Variants in NARS2 observed in about 807,000 individuals in gnomAD.
NARS2 encodes the protein asparaginyl-tRNA synthetase.
In NARS2, 60 loss-of-function variants were observed where a neutral mutation model predicts 62.9. The ratio of observed to expected loss-of-function variants is 0.95; its 90% CI spans 0.77 to 1.18. The LOEUF (loss-of-function observed/expected upper bound fraction) is 1.18, where lower values mean the gene tolerates loss of function less well. NARS2 is among the 50% of genes most tolerant of loss of function. NARS2 has a pLI of 0.00. For missense variants in NARS2, 619 were observed against 576.4 expected, an observed-to-expected ratio of 1.07 and a Z score of -0.76; for synonymous variants, 196 against 200.0, an observed-to-expected ratio of 0.98 and a Z score of 0.17.
intron 2 of NARS2, among the ~76,000 whole-genome samples, chr11:78,571,063 G>A (rs1856904933): frequency 6.6e-6 from 1 of 152,162 alleles, no homozygotes; most frequent in Non-Finnish European, 1.5e-5. Flanking sequence ...GGAAAGAGCA[G>A]AACAGCTTAA....
intron 6 of NARS2, among the ~76,000 whole-genome samples, chr11:78,504,678 A>C (rs970762220): frequency 5.9e-5 from 9 of 152,250 alleles, no homozygotes; most frequent in African/African-American, 2.2e-4. Flanking sequence ...ACACATACAC[A>C]TATTATTTTT....
chr11:78,449,133 GTTTTTTTTTT>G (rs201937471), intron 11 of NARS2, among the ~76,000 whole-genome samples: 1 of 100,042 alleles, frequency 1.0e-5, no homozygotes, highest in Non-Finnish European at 1.9e-5. Context: ...CCTAAAAAAT[GTTTTTTTTTT>G]TTTTTTTTTT....
intron 6 of NARS2, among the ~76,000 whole-genome samples, chr11:78,526,747 T>C (rs778536789): frequency 2.0e-5 from 3 of 152,144 alleles, no homozygotes; most frequent in Admixed American, 6.5e-5. Context: ...AGTGGTATTA[T>C]AATAGAGAAA....
chr11:78,498,923 G>T, intron 6 of NARS2, among the ~76,000 whole-genome samples: 1 of 60,660 alleles, frequency 1.6e-5, no homozygotes, highest in African/African-American at 6.1e-5. Context: ...TTTTGAGATG[G>T]AGTCTCGCTC....
chr11:78,547,552 T>A (rs1396785903), intron 5 of NARS2, among the ~76,000 whole-genome samples: 1 of 152,174 alleles, frequency 6.6e-6, no homozygotes, highest in East Asian at 1.9e-4. Context: ...ACAAAGCAGG[T>A]ATAAGCCAGG....
chr11:78,440,048 C>G (rs1330579641), intron 13 of NARS2, among the ~76,000 whole-genome samples: 1 of 152,100 alleles, frequency 6.6e-6, no homozygotes, highest in African/African-American at 2.4e-5. Flanking sequence ...TGCTTAAGAG[C>G]AAAGGATTTT....
chr11:78,443,903 G>A (rs1017109199), intron 11 of NARS2, 145 bp from the exon 12 acceptor site: 2 of 591,910 alleles, frequency 3.4e-6, no homozygotes, highest in South Asian at 2.0e-5. Context: ...ATTATAAGTG[G>A]ACAATTTCCT....
chr11:78,567,598 A>G lies in NARS2; in HGVS notation c.372+1034T>C, dbSNP rs1856788541. On this transcript the variant is annotated intron_variant, in intron 3 of 13. Coordinates refer to ENST00000281038, the MANE Select transcript of NARS2 (RefSeq NM_024678.6). Reference sequence around the variant, plus strand: ...GGTTACCGTCTATATTACGCTCTTGATTTCCAAATTATTCTACACTCTATT... The same window carrying G: ...GGTTACCGTCTATATTACGCTCTTGGTTTCCAAATTATTCTACACTCTATT... Among the ~76,000 whole-genome samples the G allele has an allele frequency of 2.0e-5, 3 of 152,174 alleles. No homozygotes were observed. In the South Asian group the frequency reaches 6.2e-4, roughly 31 times the overall value.
At chr11:78,518,630 G>A (rs1861000028) in intron 6 of NARS2, among the ~76,000 whole-genome samples, 1 of 151,816 alleles carries the variant, frequency 6.6e-6, no homozygotes, top group Non-Finnish European at 1.5e-5. Flanking sequence ...CCATTCTCCT[G>A]CCTCAGCCTC....
chr11:78,516,941 A>T (rs1407379317), intron 6 of NARS2, among the ~76,000 whole-genome samples: 1 of 152,226 alleles, frequency 6.6e-6, no homozygotes. Context: ...GGCACACAGA[A>T]GGACATTTAA....
chr11:78,480,691 A>G (rs1388195299), intron 7 of NARS2, among the ~76,000 whole-genome samples: 2 of 124,982 alleles, frequency 1.6e-5, no homozygotes, highest in Non-Finnish European at 3.1e-5. Flanking sequence ...ATGACAACTA[A>G]TTTGGGGGGG....
At chr11:78,443,055 G>A (rs767744201) in intron 12 of NARS2, among the ~76,000 whole-genome samples, 21 of 152,018 alleles carry the variant, frequency 1.4e-4, no homozygotes, top group Non-Finnish European at 2.8e-4. Flanking sequence ...GCCAGGTGCG[G>A]TGGCTCATGC....
intron 5 of NARS2, among the ~76,000 whole-genome samples, chr11:78,537,735 C>T (rs762186469): frequency 6.6e-6 from 1 of 152,148 alleles, no homozygotes; most frequent in Non-Finnish European, 1.5e-5. Context: ...AAGTTCAAGG[C>T]GGCAGCAAGC....
chr11:78,541,363 C>T (rs919523451), intron 5 of NARS2, among the ~76,000 whole-genome samples: 1 of 148,920 alleles, frequency 6.7e-6, no homozygotes, highest in Non-Finnish European at 1.5e-5. Flanking sequence ...TAAGGTCTTG[C>T]TATGTCGCCC....
At chr11:78,524,311 T>C (rs1324369037) in intron 6 of NARS2, among the ~76,000 whole-genome samples, 1 of 152,104 alleles carries the variant, frequency 6.6e-6, no homozygotes, top group Admixed American at 6.6e-5. Flanking sequence ...GTCAGATCAT[T>C]TCCTTAAGAA....
chr11:78,512,335 C>T (rs748213511), intron 6 of NARS2, among the ~76,000 whole-genome samples: 1 of 152,160 alleles, frequency 6.6e-6, no homozygotes, highest in Non-Finnish European at 1.5e-5. Context: ...TTATTACCTG[C>T]CAGCTATTTC....
intron 11 of NARS2, among the ~76,000 whole-genome samples, chr11:78,461,190 G>C (rs1408986823): frequency 6.6e-6 from 1 of 152,124 alleles, no homozygotes; most frequent in Non-Finnish European, 1.5e-5. Flanking sequence ...GTCTGGATTA[G>C]AGATAAAAAC....
At chr11:78,501,397 G>A (rs1460655905) in intron 6 of NARS2, among the ~76,000 whole-genome samples, 1 of 152,190 alleles carries the variant, frequency 6.6e-6, no homozygotes, top group Admixed American at 6.5e-5. Context: ...TTAGAAAATA[G>A]TTTCAACTTC....
intron 6 of NARS2, among the ~76,000 whole-genome samples, chr11:78,501,575 A>G (rs1206387023): frequency 6.6e-6 from 1 of 152,204 alleles, no homozygotes; most frequent in Non-Finnish European, 1.5e-5. Context: ...TATATTTAAA[A>G]GCTCTACTAG....
Sources: gnomAD v4.1 joint callset for allele counts (sites outside exome capture counted in the v4.1 genomes callset) on GRCh38, gnomAD v4.1.1 for gene constraint, MANE v1.5 for transcripts, NCBI Gene and HGNC (gene_info 2026-07-23, HGNC 2026-07-21) for gene names.